The following FOXJ2 variants were observed in gnomAD, a reference collection of about 807,000 sequenced individuals.
FOXJ2 encodes forkhead box protein J2.
FOXJ2 carries 18 observed loss-of-function variants against 68.4 expected under a neutral mutation model. That is an observed-to-expected ratio of 0.26 (90% confidence interval 0.18 to 0.39). The LOEUF is 0.39. Among genes scored for constraint, FOXJ2 ranks in the 10% least tolerant of loss-of-function variants. FOXJ2 has a pLI of 1.00. For synonymous variants in FOXJ2, 274 were observed against 263.2 expected, an observed-to-expected ratio of 1.04 and a Z score of -0.40; for missense variants, 670 against 726.5, an observed-to-expected ratio of 0.92 and a Z score of 0.89.
chr12:8,043,968 A>G lies in FOXJ2; in HGVS notation c.495A>G (p.Pro165=). ...ACCCTCAGCTGTCCCAAGACTCACCAGAACAGGAGGCAAGCAAGAGCCCAC... is the reference window on the plus strand; with the variant it reads ...ACCCTCAGCTGTCCCAAGACTCACCGGAACAGGAGGCAAGCAAGAGCCCAC... ...PPDDDLSQDS[P]EQEASKSPRG... Residue 165 remains proline (P), a synonymous_variant, in exon 5 of 11, where the codon CCA becomes CCG. Transcript: ENST00000162391. The G allele has an allele frequency of 6.4e-7, 1 of 1,562,952 alleles. No homozygotes were observed. Among genetic ancestry groups the G allele is most frequent in the African/African-American group, 1.4e-5 (1 of 72,666 alleles).
rs76437978 is a variant in FOXJ2 at position 8,038,690 on chromosome 12, G to T, written c.-14-1129G>T. 6.6e-6 allele frequency among the ~76,000 whole-genome samples: 1 copy of T among 152,180 alleles called. No individual in the cohort carries two copies. Among genetic ancestry groups the T allele is most frequent in the African/African-American group, 2.4e-5 (1 of 41,432 alleles). ...CCCTGCAATACAGATATCACCCATC[G>T]TTCTTCACCTTCCCTCGCAAGATGT... is the stretch of plus-strand genomic sequence containing the variant. On this transcript the variant is annotated intron_variant, in intron 1 of 10. Coordinates refer to ENST00000162391, the MANE Select transcript of FOXJ2 (RefSeq NM_018416.3). This position sits in a 1 kb window ranked among gnomAD's most constrained non-coding sequence, Gnocchi z 5.3.
rs779802238 is a variant in FOXJ2, at chr12:8,038,201, G to T, written c.-14-1618G>T. ...TGCAGATTGCCATCTGCGTGGGTGG[G>T]ACCTTGGGGAGAGGGGAGTAAGTCA... On this transcript the variant is annotated intron_variant, in intron 1 of 10. Coordinates refer to ENST00000162391, the MANE Select transcript of FOXJ2 (RefSeq NM_018416.3). This position sits in a 1 kb window ranked among gnomAD's most constrained non-coding sequence, Gnocchi z 5.3. Among the ~76,000 whole-genome samples, 5 of 152,266 alleles carry T rather than the reference G, an allele frequency of 3.3e-5. No homozygotes were observed. The East Asian group carries it at 9.7e-4, about 29-fold the overall frequency.
chr12:8,033,518 CTCCCCCAA>C lies in FOXJ2; in HGVS notation c.-329_-322del, dbSNP rs1946862444. ...AGATCCAGTTTGGGGGGGAGGGGAA[CTCCCCCAA>C]GGGGGAGGAGACAACTCCTGGTTGG... On this transcript the variant is annotated 5_prime_UTR_variant, in exon 1 of 11. Coordinates refer to ENST00000162391, the MANE Select transcript of FOXJ2 (RefSeq NM_018416.3). The C allele has an allele frequency of 6.6e-6, 1 of 152,450 alleles. No individual in the cohort carries two copies. Among genetic ancestry groups the C allele is most frequent in the Non-Finnish European group, 1.5e-5 (1 of 67,940 alleles). The allele number at this position is 152,450 out of a possible 1,614,324, so 9.4% of individuals were successfully genotyped here.
chr12:8,044,125 G>A, intron 5 of FOXJ2, 34 bp downstream of exon 5: 1 of 1,483,844 alleles, frequency 6.7e-7, no homozygotes, highest in South Asian at 1.5e-5. Context: ...TCATGGGATG[G>A]GTGGTGAATA....
At chr12:8,046,850 C>T (rs1366629739) in intron 6 of FOXJ2, among the ~76,000 whole-genome samples, 1 of 152,160 alleles carries the variant, frequency 6.6e-6, no homozygotes, top group Admixed American at 6.5e-5. Flanking sequence ...TCTTGTATAT[C>T]ACAGGGGATC....
chr12:8,049,608 T>A (rs1322029562), intron 9 of FOXJ2, 37 bp downstream of exon 9: 11 of 1,510,076 alleles, frequency 7.3e-6, no homozygotes, highest in Non-Finnish European at 9.8e-6. Flanking sequence ...AGGTGGAGAC[T>A]ATGTTGAAAA....
chr12:8,040,154 A>T lies in FOXJ2; in HGVS notation c.322A>T (p.Ile108Phe). Residue 108 changes from isoleucine to phenylalanine, a missense_variant, in exon 2 of 11, where the codon ATT (isoleucine) becomes TTT (phenylalanine). Transcript: ENST00000162391. The surrounding 1 kb of genome is among the most constrained non-coding windows in gnomAD (Gnocchi z 4.0). ...DNFPYYKNAG[I>F]GWKNSIRHNL... is the part of the protein sequence containing the mutation. Reference sequence around the variant, plus strand: ...CTTCCCCTATTACAAGAATGCTGGCATTGGTTGGAAGGTGGGAATGCTTCT... The same window carrying T: ...CTTCCCCTATTACAAGAATGCTGGCTTTGGTTGGAAGGTGGGAATGCTTCT... The T allele has an allele frequency of 6.2e-7, 1 of 1,614,022 alleles. No individual in the cohort carries two copies. Among genetic ancestry groups the T allele is most frequent in the Non-Finnish European group, 8.5e-7 (1 of 1,179,894 alleles).
In FOXJ2 at chr12:8,048,145, C is replaced by G; in HGVS notation, c.1081C>G (p.Pro361Ala). The stretch of plus-strand genomic sequence containing the variant: ...TGGGGCGGAAGGCTATGGGCCTCCC[C>G]CTGTAATGGCCATGCATCCACCCCC... Reference protein sequence around the residue: ...QAGAEGYGPPPVMAMHPPPLQ... With the variant: ...QAGAEGYGPPAVMAMHPPPLQ... The change falls in exon 7 of 11, where the codon CCT (proline) becomes GCT (alanine). Residue 361 changes from proline (P) to alanine (A), a missense_variant. Physicochemically the swap from Pro to Ala is conservative, Grantham distance 27. This residue lies in a region of FOXJ2 where 555 missense variants were observed against 562.2 expected (regional missense o/e 0.99). Coordinates refer to ENST00000162391, the MANE Select transcript of FOXJ2 (RefSeq NM_018416.3). 4 of 1,613,910 alleles carry G rather than the reference C, an allele frequency of 2.5e-6. No homozygotes were observed. Among genetic ancestry groups the G allele is most frequent in the Non-Finnish European group, 3.4e-6 (4 of 1,179,878 alleles).
intron 10 of FOXJ2, among the ~76,000 whole-genome samples, chr12:8,051,795 ACTCT>A (rs1947129480): frequency 6.6e-6 from 1 of 151,800 alleles, no homozygotes; most frequent in Non-Finnish European, 1.5e-5. Context: ...GTGACATCTG[ACTCT>A]CTCTATTCTT....
chr12:8,039,487 A>G (rs1332686919), intron 1 of FOXJ2, among the ~76,000 whole-genome samples: 2 of 152,118 alleles, frequency 1.3e-5, no homozygotes, highest in Admixed American at 1.3e-4. Flanking sequence ...TTCTTTTTTC[A>G]AACCCATTCC....
At chr12:8,050,809 C>T (rs760391424) in intron 10 of FOXJ2, among the ~76,000 whole-genome samples, 189 bp downstream of exon 10, 8 of 151,382 alleles carry the variant, frequency 5.3e-5, no homozygotes, top group Non-Finnish European at 1.2e-4. Context: ...CTAACGAAGA[C>T]AGTGTCCCCT....
At chr12:8,050,896 C>CTTCCCCTTCCA (rs1387238834) in intron 10 of FOXJ2, among the ~76,000 whole-genome samples, 1,518 of 66,870 alleles carry the variant, frequency 0.023, 108 homozygotes, top group African/African-American at 0.076. Context: ...TTCCCCTTCC[C>CTTCCCCTTCCA]TTCCCCTTCC....
intron 1 of FOXJ2, among the ~76,000 whole-genome samples, chr12:8,036,140 T>C (rs1946892407): frequency 6.6e-6 from 1 of 152,130 alleles, no homozygotes; most frequent in Admixed American, 6.5e-5. Flanking sequence ...CTTACAACAA[T>C]CAAAATAGTG....
At chr12:8,037,209 A>G (rs752529423) in intron 1 of FOXJ2, among the ~76,000 whole-genome samples, 29 of 152,336 alleles carry the variant, frequency 1.9e-4, no homozygotes, top group African/African-American at 6.3e-4. Context: ...CTGAGGCTCT[A>G]CATGCTGGGC....
At chr12:8,052,636 T>C (rs928784893) in intron 10 of FOXJ2, 126 bp from the exon 11 acceptor site, 1 of 702,206 alleles carries the variant, frequency 1.4e-6, no homozygotes, top group East Asian at 2.8e-5. Flanking sequence ...TAACTCCAGC[T>C]GATAAGGGCG....
rs1270631122 is a variant in FOXJ2, at chr12:8,038,964, C to T, written c.-14-855C>T. ...CCGGTAGGCACACAGCTGGGTGTCT[C>T]CCTGGCTCGGTGAAGCCCAGCAGGC... On this transcript the variant is annotated intron_variant, in intron 1 of 10. Transcript: ENST00000162391. This position sits in a 1 kb window ranked among gnomAD's most constrained non-coding sequence, Gnocchi z 5.3. Among the ~76,000 whole-genome samples the T allele has an allele frequency of 6.6e-6, 1 of 152,132 alleles. No homozygotes were observed. The highest frequency in any genetic ancestry group is 2.4e-5 in the African/African-American group (1 of 41,416).
chr12:8,042,465 A>G (rs1946978414), intron 2 of FOXJ2, among the ~76,000 whole-genome samples, 193 bp from the exon 3 acceptor site: 1 of 152,166 alleles, frequency 6.6e-6, no homozygotes, highest in East Asian at 1.9e-4. Flanking sequence ...TAATCTCTGC[A>G]TTTTTCTTAT....
Position 8,033,229 on chromosome 12 carries a change from A to C in FOXJ2, c.-619A>C. 4.8e-6 allele frequency: 1 copy of C among 209,206 alleles called. No individual in the cohort carries two copies. Among genetic ancestry groups the C allele is most frequent in the Non-Finnish European group, 9.5e-6 (1 of 105,750 alleles). 13.0% of individuals were successfully genotyped at this position (209,206 alleles called of 1,614,324 possible). ...CTAGCGCGCCCCCGCCCCTCCAAAC[A>C]CACACTCTCAACAGTTCAGGACTTT... On this transcript the variant is annotated 5_prime_UTR_variant, in exon 1 of 11. Transcript: ENST00000162391.
chr12:8,049,563 T>TACGGGCAGG lies in FOXJ2; in HGVS notation c.1529_1530insACGGGCAGG (p.Met510delinsIleArgAlaGly). The TACGGGCAGG allele has an allele frequency of 6.2e-7, 1 of 1,601,564 alleles. No homozygotes were observed. Among genetic ancestry groups the TACGGGCAGG allele is most frequent in the Non-Finnish European group, 8.5e-7 (1 of 1,171,076 alleles). ...ACCAGTGGCAAACAGGAGTCAGCCA[T>TACGGGCAGG]GAGCCAAGGTACTGCACCAAGCCAG... On this transcript the variant is annotated protein_altering_variant, in exon 9 of 11. Coordinates refer to ENST00000162391, the MANE Select transcript of FOXJ2 (RefSeq NM_018416.3).
Sources: allele counts gnomAD v4.1 joint callset (sites outside exome capture counted in the v4.1 genomes callset), GRCh38; gene constraint gnomAD v4.1.1; regional missense constraint gnomAD v4.1.1; non-coding constraint Gnocchi (gnomAD v3.1); transcripts MANE v1.5; gene names NCBI Gene and HGNC (gene_info 2026-07-23, HGNC 2026-07-21).